AXIN1: variants seen among roughly 807,000 people sequenced by gnomAD.
AXIN1 encodes axin-1.
AXIN1 carries 30 observed loss-of-function variants against 76.4 expected under a neutral mutation model. The observed-to-expected ratio is 0.39, with a 90% CI of 0.29 to 0.53. The LOEUF is 0.53. Among genes scored for constraint, AXIN1 ranks in the 20% least tolerant of loss-of-function variants. The probability of loss-of-function intolerance (pLI) is 0.66; values close to 1 mark genes in which losing one functional copy is unlikely to be tolerated. For missense variants in AXIN1, 1,140 were observed against 1,198.8 expected (o/e 0.95, Z 0.72); for synonymous variants, 545 against 501.4 (o/e 1.09, Z -1.16).
chr16:352,382 T>C lies in AXIN1; in HGVS notation c.-95A>G. The stretch of plus-strand genomic sequence containing the variant: ...GGCCCTACTCACCCGCGCGCGGTGG[T>C]GGCGGGACCCCGGGCCCGGCTCCCG... On this transcript the variant is annotated 5_prime_UTR_variant, in exon 1 of 11. Coordinates refer to ENST00000262320, the MANE Select transcript of AXIN1 (RefSeq NM_003502.4). The C allele has an allele frequency of 1.0e-6, 1 of 974,312 alleles. No individual in the cohort carries two copies. Among genetic ancestry groups the C allele is most frequent in the Non-Finnish European group, 1.2e-6 (1 of 826,220 alleles). 60.4% of individuals were successfully genotyped at this position (974,312 alleles called of 1,614,324 possible).
chr16:339,246 G>A (rs1253925236), intron 2 of AXIN1, among the ~76,000 whole-genome samples: 2 of 146,814 alleles, frequency 1.4e-5, no homozygotes, highest in Non-Finnish European at 1.5e-5. Flanking sequence ...GCTCACACCT[G>A]TAATCCCAGC....
intron 1 of AXIN1, among the ~76,000 whole-genome samples, chr16:350,879 C>T (rs1173439343): frequency 1.3e-5 from 2 of 152,188 alleles, no homozygotes; most frequent in Non-Finnish European, 2.9e-5. Context: ...CGCCTGTAAT[C>T]CCAGCACTTT....
chr16:341,278 G>A (rs1597112805), intron 2 of AXIN1, among the ~76,000 whole-genome samples: 1 of 152,258 alleles, frequency 6.6e-6, no homozygotes, highest in African/African-American at 2.4e-5. Context: ...AGAGGCGCGA[G>A]CGGGAACCGC....
chr16:294,436 C>CA (rs1436061271), intron 7 of AXIN1, among the ~76,000 whole-genome samples: 1 of 128,226 alleles, frequency 7.8e-6, no homozygotes, highest in African/African-American at 3.1e-5. Context: ...GCACTCCAGC[C>CA]TAGGCAAGAG....
At chr16:304,018 G>C (rs1486422155) in intron 5 of AXIN1, among the ~76,000 whole-genome samples, 1 of 152,206 alleles carries the variant, frequency 6.6e-6, no homozygotes, top group Non-Finnish European at 1.5e-5. Context: ...CACCCACAAA[G>C]GATCAGGTAC....
At position 288,130 on chromosome 16, in the gene AXIN1, CCTT is replaced by C; in HGVS notation, c.2578_2580del (p.Lys860del). 2 of 1,613,442 alleles carry C rather than the reference CCTT, an allele frequency of 1.2e-6. No homozygotes were observed. The highest frequency in any genetic ancestry group is 1.7e-5 in the Admixed American group (1 of 60,032). ...GCCAGCCCACCAGCCTATCAGTCCA[CCTT>C]CTCCACTTTGCCGATGATCTTCTCC... On this transcript the variant is annotated inframe_deletion, in exon 11 of 11. Coordinates refer to ENST00000262320, the MANE Select transcript of AXIN1 (RefSeq NM_003502.4).
At position 321,384 on chromosome 16, in the gene AXIN1, C is replaced by T. The variant is rs565930977; in HGVS notation, c.879-6701G>A. Among the ~76,000 whole-genome samples the T allele has an allele frequency of 8.5e-5, 13 of 152,358 alleles. No homozygotes were observed. The East Asian group carries it at 9.6e-4, about 11-fold the overall frequency. ...AGCCCCAGGAGAGCTCTGCATAGCA[C>T]GTGCCCCACCCCGCCAAGACTTCTG... On this transcript the variant is annotated intron_variant, in intron 2 of 10. Coordinates refer to ENST00000262320, the MANE Select transcript of AXIN1 (RefSeq NM_003502.4).
chr16:342,261 G>C (rs906435927), intron 2 of AXIN1, among the ~76,000 whole-genome samples: 1 of 152,100 alleles, frequency 6.6e-6, no homozygotes, highest in Non-Finnish European at 1.5e-5. Context: ...AAGAAACTCC[G>C]AACACCTCCG....
intron 3 of AXIN1, among the ~76,000 whole-genome samples, chr16:311,537 C>T (rs1357727095): frequency 2.7e-5 from 4 of 150,908 alleles, no homozygotes; most frequent in African/African-American, 4.9e-5. Flanking sequence ...TGTGGGAGGC[C>T]GAGGCGGGCG....
rs1019101357 is a variant in AXIN1 at position 323,452 on chromosome 16, A to G, written c.879-8769T>C. Among the ~76,000 whole-genome samples, 14 of 150,026 alleles carry G rather than the reference A, an allele frequency of 9.3e-5. 1 individual carries two copies. The highest frequency in any genetic ancestry group is 3.4e-4 in the African/African-American group (14 of 40,620). The stretch of plus-strand genomic sequence containing the variant: ...AGACTCCGTCTCAAAAAAAAAAAAA[A>G]AGAAAGAAAAAAAGCCAAAATAAGA... On this transcript the variant is annotated intron_variant, in intron 2 of 10. Transcript: ENST00000262320.
chr16:323,680 C>G (rs1453957705), intron 2 of AXIN1, among the ~76,000 whole-genome samples: 2 of 151,750 alleles, frequency 1.3e-5, no homozygotes, highest in Non-Finnish European at 2.9e-5. Context: ...ACTCGGGAGT[C>G]TGAGGCAGGA....
chr16:314,819 G>A (rs902592063), intron 2 of AXIN1, 136 bp from the exon 3 acceptor site: 2 of 1,324,594 alleles, frequency 1.5e-6, no homozygotes, highest in Non-Finnish European at 2.1e-6. Flanking sequence ...AAGGAGCATG[G>A]AGAAAAGACC....
intron 7 of AXIN1, among the ~76,000 whole-genome samples, chr16:295,051 A>C (rs1433541584): frequency 6.8e-6 from 1 of 148,124 alleles, no homozygotes; most frequent in East Asian, 2.0e-4. Flanking sequence ...GCAACAGAGC[A>C]AGACTCCGTC....
intron 3 of AXIN1, among the ~76,000 whole-genome samples, chr16:310,290 G>A (rs1567277490): frequency 6.6e-6 from 1 of 152,244 alleles, no homozygotes; most frequent in Non-Finnish European, 1.5e-5. Flanking sequence ...AAGCCCAGGT[G>A]CCCAGCCACG....
chr16:301,086 T>A (rs214243), intron 5 of AXIN1, among the ~76,000 whole-genome samples: 50 of 151,820 alleles, frequency 3.3e-4, no homozygotes, highest in African/African-American at 1.1e-3. Flanking sequence ...CTGGCTAACA[T>A]GGTGAAACCC....
chr16:308,114 G>C (rs748708155), intron 4 of AXIN1, among the ~76,000 whole-genome samples: 1 of 152,222 alleles, frequency 6.6e-6, no homozygotes, highest in Non-Finnish European at 1.5e-5. Flanking sequence ...GGGCCCTCTG[G>C]GGGTGCGGAA....
chr16:352,194 C>G (rs12919642), intron 1 of AXIN1, among the ~76,000 whole-genome samples, 175 bp downstream of exon 1: 1 of 151,714 alleles, frequency 6.6e-6, no homozygotes, highest in Non-Finnish European at 1.5e-5. Context: ...CCTCGGACCT[C>G]CAAGCGGCCA....
chr16:308,321 C>T (rs775020650), intron 4 of AXIN1, among the ~76,000 whole-genome samples: 1 of 152,206 alleles, frequency 6.6e-6, no homozygotes, highest in African/African-American at 2.4e-5. Flanking sequence ...TCCAGGTCCA[C>T]GTTCCAGGCA....
rs914897579 is a variant in AXIN1 at position 327,097 on chromosome 16, G to A, written c.879-12414C>T. Among the ~76,000 whole-genome samples the A allele has an allele frequency of 1.1e-4, 17 of 151,774 alleles. 1 individual carries two copies. The highest frequency in any genetic ancestry group is 6.3e-4 in the South Asian group (3 of 4,790). On this transcript the variant is annotated intron_variant, in intron 2 of 10. Coordinates refer to ENST00000262320, the MANE Select transcript of AXIN1 (RefSeq NM_003502.4). Reference sequence around the variant, plus strand: ...GTGGAGCTTGCAGTGAGCCGAGATCGCACCATTGCACTCCAACCTGGGCGA... The same window carrying A: ...GTGGAGCTTGCAGTGAGCCGAGATCACACCATTGCACTCCAACCTGGGCGA...
Sources: allele counts gnomAD v4.1 joint callset (sites outside exome capture counted in the v4.1 genomes callset), GRCh38; gene constraint gnomAD v4.1.1; transcripts MANE v1.5; gene names NCBI Gene and HGNC (gene_info 2026-07-23, HGNC 2026-07-21).